The following PAK5 variants were observed in gnomAD, a reference collection of about 807,000 sequenced individuals.
The protein encoded by PAK5 is serine/threonine-protein kinase PAK 5.
In PAK5, 16 loss-of-function variants were observed where a neutral mutation model predicts 65.9. The observed-to-expected ratio is 0.24, with a 90% CI of 0.16 to 0.37. The LOEUF is 0.37. PAK5 is among the 10% of genes least tolerant of loss of function. The pLI is 1.00. For missense variants in PAK5, 785 were observed against 903.9 expected, an observed-to-expected ratio of 0.87 and a Z score of 1.69; for synonymous variants, 371 against 354.9, an observed-to-expected ratio of 1.05 and a Z score of -0.51.
At chr20:9,653,961 C>CT (rs35916583) in intron 2 of PAK5, among the ~76,000 whole-genome samples, 1,437 of 136,002 alleles carry the variant, frequency 0.011, 17 homozygotes, top group African/African-American at 0.023. Flanking sequence ...CTTTTCTTCT[C>CT]TTTTTTTTTT....
chr20:9,759,871 C>T (rs1003598935), intron 1 of PAK5, among the ~76,000 whole-genome samples: 2 of 152,152 alleles, frequency 1.3e-5, no homozygotes, highest in East Asian at 1.9e-4. Flanking sequence ...ACATTCAAGT[C>T]GTAACATATA....
intron 1 of PAK5, among the ~76,000 whole-genome samples, chr20:9,718,687 A>G (rs559725012): frequency 1.2e-4 from 19 of 152,312 alleles, no homozygotes; most frequent in African/African-American, 4.3e-4. Flanking sequence ...AACATACAAC[A>G]TATTTTTTAA....
At chr20:9,670,630 C>T (rs372486308) in intron 2 of PAK5, among the ~76,000 whole-genome samples, 7,740 of 152,054 alleles carry the variant, frequency 0.051, 221 homozygotes, top group South Asian at 0.083. Flanking sequence ...GTTTGATTTT[C>T]TCTTGTAAAT....
At chr20:9,570,450 C>G (rs534549723) in intron 4 of PAK5, among the ~76,000 whole-genome samples, 5 of 122,158 alleles carry the variant, frequency 4.1e-5, no homozygotes, top group Non-Finnish European at 8.1e-5. Flanking sequence ...TTGTGCTACA[C>G]AAGGAAAACG....
Position 9,607,211 on chromosome 20 carries a change from C to A in PAK5, c.205-26281G>T, listed in dbSNP as rs532612727. Among the ~76,000 whole-genome samples the A allele has an allele frequency of 3.1e-4, 47 of 152,252 alleles. No homozygotes were observed. The Middle Eastern group carries it at 0.014, about 44-fold the overall frequency. Reference sequence around the variant, plus strand: ...CACTGAATCTGGAACAATGGTGCAGCCCACTATGGCTTCTCTGATAGTCCT... The same window carrying A: ...CACTGAATCTGGAACAATGGTGCAGACCACTATGGCTTCTCTGATAGTCCT... On this transcript the variant is annotated intron_variant, in intron 3 of 9. Coordinates refer to ENST00000353224, the MANE Select transcript of PAK5 (RefSeq NM_177990.4).
chr20:9,574,443 T>G (rs751684095), intron 4 of PAK5, among the ~76,000 whole-genome samples: 4 of 152,172 alleles, frequency 2.6e-5, no homozygotes, highest in Non-Finnish European at 4.4e-5. Context: ...ACAGAGCAGA[T>G]TGGTCTGACC....
Position 9,542,484 on chromosome 20 carries a change from A to G in PAK5, c.2004+102T>C, listed in dbSNP as rs566217904. The G allele has an allele frequency of 5.0e-4, 569 of 1,147,994 alleles. 3 individuals are homozygous for G. Among genetic ancestry groups the G allele is most frequent in the African/African-American group, 1.7e-3 (111 of 66,000 alleles). The allele number at this position is 1,147,994 out of a possible 1,614,324, so 71.1% of individuals were successfully genotyped here. A position where few individuals can be genotyped will look rare whatever the true frequency, so the allele number is the denominator to read the frequency against. On this transcript the variant is annotated intron_variant, in intron 9 of 9. Coordinates refer to ENST00000353224, the MANE Select transcript of PAK5 (RefSeq NM_177990.4). ...TTTCCAAAGTCCATGCTCATAAACC[A>G]GGATCTTCCTGCTGGATGTGGTAAG...
At chr20:9,636,065 G>A (rs891279967) in intron 3 of PAK5, among the ~76,000 whole-genome samples, 2 of 152,178 alleles carry the variant, frequency 1.3e-5, no homozygotes, top group African/African-American at 2.4e-5. Context: ...TCAGTTATGC[G>A]TAATTGAGAA....
chr20:9,729,472 T>C (rs188558258), intron 1 of PAK5, among the ~76,000 whole-genome samples: 62 of 152,322 alleles, frequency 4.1e-4, no homozygotes, highest in African/African-American at 1.3e-3. Context: ...CCTGATTTTA[T>C]ATAGGCACGA....
At position 9,539,614 on chromosome 20, in the gene PAK5, A is replaced by T. The variant is rs1393151844; in HGVS notation, c.2008T>A (p.Ser670Thr). The change falls in exon 10 of 10, where the codon TCT becomes ACT. Residue 670 changes from serine (S) to threonine (T), a missense_variant. Ser to Thr is a moderately conservative substitution (Grantham distance 58). Transcript: ENST00000353224. ...PPRVKDLHKV[S>T]SVLRGFLDLM... is the part of the protein sequence containing the mutation. ...TCTAGGAATCCCCGGAGCACTGAAG[A>T]AACCTGTGAAAACACACAGATACCA... 2 of 1,612,930 alleles carry T rather than the reference A, an allele frequency of 1.2e-6. No individual in the cohort carries two copies. Among genetic ancestry groups the T allele is most frequent in the Admixed American group, 3.3e-5 (2 of 60,024 alleles).
In PAK5 at chr20:9,764,156, C is replaced by T. The variant is rs191522111; in HGVS notation, c.-161-52721G>A. Among the ~76,000 whole-genome samples, 9 of 152,250 alleles carry T rather than the reference C, an allele frequency of 5.9e-5. No individual in the cohort carries two copies. In the East Asian group the frequency reaches 1.7e-3, roughly 29 times the overall value. ...AGAATCACACACTGCATTTAGTCATCATTCTTGATCTCCTTTCATCAAGGA... is the reference window on the plus strand; with the variant it reads ...AGAATCACACACTGCATTTAGTCATTATTCTTGATCTCCTTTCATCAAGGA... On this transcript the variant is annotated intron_variant, in intron 1 of 9. Transcript: ENST00000353224.
chr20:9,596,307 A>G (rs1052671336), intron 3 of PAK5, among the ~76,000 whole-genome samples: 3 of 152,148 alleles, frequency 2.0e-5, no homozygotes, highest in African/African-American at 7.2e-5. Flanking sequence ...ACAGAAAACT[A>G]TATAAAAAGC....
At chr20:9,611,152 C>G (rs929037730) in intron 3 of PAK5, among the ~76,000 whole-genome samples, 28 of 152,240 alleles carry the variant, frequency 1.8e-4, no homozygotes, top group Non-Finnish European at 2.9e-4. Context: ...ATGGACTGTT[C>G]TTGGCCTATT....
At chr20:9,788,169 A>G (rs1392478713) in intron 1 of PAK5, among the ~76,000 whole-genome samples, 4 of 152,256 alleles carry the variant, frequency 2.6e-5, no homozygotes, top group South Asian at 4.1e-4. Flanking sequence ...AACAGCTTCA[A>G]TGTAATGTGC....
intron 8 of PAK5, 30 bp from the exon 9 acceptor site, chr20:9,542,750 G>A: frequency 2.5e-6 from 4 of 1,604,802 alleles, no homozygotes; most frequent in Non-Finnish European, 3.4e-6. Flanking sequence ...GGTTATCTCA[G>A]GCAAGGAGAA....
At position 9,651,019 on chromosome 20, in the gene PAK5, C is replaced by T. The variant is rs540515460; in HGVS notation, c.-11-6680G>A. Among the ~76,000 whole-genome samples the T allele has an allele frequency of 9.8e-4, 149 of 152,286 alleles. 2 individuals are homozygous for T. The South Asian group carries it at 0.012, about 12-fold the overall frequency. Reference sequence around the variant, plus strand: ...CTTTACAAAATTATCTAAAGGGTAACGGCAAAAGAATTTTATCAAACAATC... The same window carrying T: ...CTTTACAAAATTATCTAAAGGGTAATGGCAAAAGAATTTTATCAAACAATC... On this transcript the variant is annotated intron_variant, in intron 2 of 9. Transcript: ENST00000353224.
chr20:9,627,377 A>T (rs574674889), intron 3 of PAK5, among the ~76,000 whole-genome samples: 13 of 152,186 alleles, frequency 8.5e-5, no homozygotes, highest in Non-Finnish European at 1.9e-4. Flanking sequence ...CACAGCTCAC[A>T]TGTCCTGCAA....
rs953979366 is a variant in PAK5, at chr20:9,627,740, C to A, written c.204+16385G>T. 2.0e-5 allele frequency among the ~76,000 whole-genome samples: 3 copies of A among 152,086 alleles called. 1 individual carries two copies. Among genetic ancestry groups the A allele is most frequent in the Admixed American group, 2.0e-4 (3 of 15,276 alleles). On this transcript the variant is annotated intron_variant, in intron 3 of 9. Coordinates refer to ENST00000353224, the MANE Select transcript of PAK5 (RefSeq NM_177990.4). ...CTCCTGGGTTCAAGTGATTCTCCTG[C>A]CTCAGCCTCCCGAGTAGCTGGGATT...
chr20:9,733,327 G>A (rs1270062221), intron 1 of PAK5, among the ~76,000 whole-genome samples: 1 of 152,024 alleles, frequency 6.6e-6, no homozygotes, highest in East Asian at 1.9e-4. Context: ...TATACATTGT[G>A]AATTAATTAC....
Sources: gnomAD v4.1 joint callset for allele counts (sites outside exome capture counted in the v4.1 genomes callset) on GRCh38, gnomAD v4.1.1 for gene constraint, MANE v1.5 for transcripts, NCBI Gene and HGNC (gene_info 2026-07-23, HGNC 2026-07-21) for gene names.